The following RPH3A variants were observed in gnomAD, a reference collection of about 807,000 sequenced individuals.
The protein encoded by RPH3A is rabphilin-3A.
In RPH3A, 48 loss-of-function variants were observed where a neutral mutation model predicts 102.2. The ratio of observed to expected loss-of-function variants is 0.47; its 90% CI spans 0.37 to 0.60. The LOEUF (loss-of-function observed/expected upper bound fraction) is 0.60. Among genes scored for constraint, RPH3A ranks in the 20% least tolerant of loss-of-function variants. RPH3A has a pLI of 0.00. For missense variants in RPH3A, 781 were observed against 910.1 expected, an observed-to-expected ratio of 0.86 and a Z score of 1.83; for synonymous variants, 310 against 324.3, an observed-to-expected ratio of 0.96 and a Z score of 0.47.
intron 21 of RPH3A, among the ~76,000 whole-genome samples, chr12:112,896,241 A>G (rs1437413905): frequency 6.6e-6 from 1 of 152,198 alleles, no homozygotes; most frequent in East Asian, 1.9e-4. Flanking sequence ...TCAATTAAAG[A>G]TGAAGCAGGG....
chr12:112,865,444 G>A lies in RPH3A; in HGVS notation c.261G>A (p.Arg87=), dbSNP rs1294109327. The part of the protein sequence containing the change: ...GRLVDRLENM[R]KNVAGDGVNR... ...TGGTGGACCGCCTAGAAAACATGAG[G>A]AAGAACGTGGCTGGAGATGGGGTGA... Residue 87 remains arginine, a synonymous_variant, in exon 6 of 22, where the codon AGG becomes AGA. Coordinates refer to ENST00000389385, the MANE Select transcript of RPH3A (RefSeq NM_001143854.2). The A allele has an allele frequency of 6.2e-7, 1 of 1,614,074 alleles. No individual in the cohort carries two copies.
In RPH3A at chr12:112,898,705, G is replaced by T. The variant is rs565273769; in HGVS notation, c.*1925G>T. On this transcript the variant is annotated 3_prime_UTR_variant, in exon 22 of 22. Transcript: ENST00000389385. Reference sequence around the variant, plus strand: ...GCCCAAGCCTGATGCTGGTGTAGGCGCTGGAATCAGCATGCAGCAAGCTCA... The same window carrying T: ...GCCCAAGCCTGATGCTGGTGTAGGCTCTGGAATCAGCATGCAGCAAGCTCA... 6.6e-6 allele frequency: 1 copy of T among 152,286 alleles called. No individual in the cohort carries two copies. The highest frequency in any genetic ancestry group is 1.5e-5 in the Non-Finnish European group (1 of 68,096). The allele number at this position is 152,286 out of a possible 1,614,324, so 9.4% of individuals were successfully genotyped here.
At chr12:112,619,802 A>G (rs1481025793) in intron 1 of RPH3A, among the ~76,000 whole-genome samples, 4 of 152,178 alleles carry the variant, frequency 2.6e-5, no homozygotes, top group Non-Finnish European at 4.4e-5. Context: ...CCAGATCAAC[A>G]GGTAGTGACC....
intron 4 of RPH3A, chr12:112,841,892 T>TTC (rs146515197): frequency 5.5e-5 from 25 of 451,526 alleles, no homozygotes; most frequent in Admixed American, 1.2e-4. Flanking sequence ...CTCTCTCTCC[T>TTC]TCTCTCTCTC....
chr12:112,898,844 T>C lies in RPH3A; in HGVS notation c.*2064T>C, dbSNP rs2043231876. 1 of 152,270 alleles carries C rather than the reference T, an allele frequency of 6.6e-6. No individual in the cohort carries two copies. Among genetic ancestry groups the C allele is most frequent in the African/African-American group, 2.4e-5 (1 of 41,458 alleles). The allele number at this position is 152,270 out of a possible 1,614,324, so 9.4% of individuals were successfully genotyped here. A position where few individuals can be genotyped will look rare whatever the true frequency, so the allele number is the denominator to read the frequency against. Reference sequence around the variant, plus strand: ...AACCACCCAGCATCTTTCTTTGTGATGATGTAGCCAAAAATAAAGTAGGAG... The same window carrying C: ...AACCACCCAGCATCTTTCTTTGTGACGATGTAGCCAAAAATAAAGTAGGAG... On this transcript the variant is annotated 3_prime_UTR_variant, in exon 22 of 22. Transcript: ENST00000389385.
At position 112,895,883 on chromosome 12, in the gene RPH3A, C is replaced by T. The variant is rs1490153389; in HGVS notation, c.1954+10C>T. On this transcript the variant is annotated intron_variant, in intron 21 of 21. Transcript: ENST00000389385. ...TCCAATGATTACATCGGTGAGTGTT[C>T]CTAACTCCAGAGAAAACGCCCTCTT... 1.3e-6 allele frequency: 2 copies of T among 1,596,754 alleles called. No homozygotes were observed. The highest frequency in any genetic ancestry group is 1.7e-6 in the Non-Finnish European group (2 of 1,165,068).
chr12:112,677,959 G>A (rs931715723), intron 1 of RPH3A, among the ~76,000 whole-genome samples: 3 of 152,020 alleles, frequency 2.0e-5, no homozygotes, highest in Non-Finnish European at 2.9e-5. Flanking sequence ...GGGAGGCCAA[G>A]GTGGGTGGAT....
rs1158230534 is a variant in RPH3A at position 112,640,325 on chromosome 12, C to CA, written c.-140+65047dup. Among the ~76,000 whole-genome samples, 20 of 14,078 alleles carry CA rather than the reference C, an allele frequency of 1.4e-3. 6 individuals are homozygous for CA. The highest frequency in any genetic ancestry group is 2.8e-3 in the Non-Finnish European group (10 of 3,598). 9.2% of individuals were successfully genotyped at this position (14,078 alleles called of 152,430 possible). The stretch of plus-strand genomic sequence containing the variant: ...GGTCAACAAGAGCAAAACTCCATCT[C>CA]AAAAAAAAAAAAAAAAAAAAAAAAA... On this transcript the variant is annotated intron_variant, in intron 1 of 21. Transcript: ENST00000543106.
At chr12:112,580,942 A>G (rs865927995) in intron 1 of RPH3A, among the ~76,000 whole-genome samples, 2 of 152,184 alleles carry the variant, frequency 1.3e-5, no homozygotes, top group African/African-American at 4.8e-5. Context: ...ACTTTTCTTG[A>G]TACCGAGTCC....
chr12:112,773,688 C>T (rs1312032327), intron 1 of RPH3A, among the ~76,000 whole-genome samples: 1 of 151,690 alleles, frequency 6.6e-6, no homozygotes, highest in Non-Finnish European at 1.5e-5. Context: ...GATTTCATTG[C>T]CTACCTCACC....
intron 2 of RPH3A, among the ~76,000 whole-genome samples, chr12:112,802,466 A>T (rs1175550898): frequency 6.6e-6 from 1 of 152,188 alleles, no homozygotes; most frequent in Non-Finnish European, 1.5e-5. Flanking sequence ...TTTTTTAAAC[A>T]GTCCCCTGGG....
chr12:112,761,262 G>A (rs556647126), intron 1 of RPH3A, among the ~76,000 whole-genome samples: 1 of 152,352 alleles, frequency 6.6e-6, no homozygotes, highest in East Asian at 1.9e-4. Flanking sequence ...AGGAGGCTTT[G>A]AAGTATGGGC....
chr12:112,620,427 A>C (rs994426538), intron 1 of RPH3A, among the ~76,000 whole-genome samples: 3 of 152,152 alleles, frequency 2.0e-5, no homozygotes, highest in African/African-American at 7.2e-5. Context: ...AGGACACCAC[A>C]TTCTCCTGGT....
chr12:112,838,005 A>G (rs562013345), intron 4 of RPH3A, among the ~76,000 whole-genome samples: 5 of 152,274 alleles, frequency 3.3e-5, no homozygotes, highest in Admixed American at 3.3e-4. Context: ...AGCCAAGTAT[A>G]AAGATATGTC....
chr12:112,648,332 T>C (rs1409804797), intron 1 of RPH3A, among the ~76,000 whole-genome samples: 1 of 151,934 alleles, frequency 6.6e-6, no homozygotes, highest in Non-Finnish European at 1.5e-5. Context: ...TCCCAGTTAA[T>C]GGACATTTAG....
intron 16 of RPH3A, among the ~76,000 whole-genome samples, chr12:112,886,049 T>C (rs1444279701): frequency 6.6e-6 from 1 of 152,074 alleles, no homozygotes; most frequent in African/African-American, 2.4e-5. Context: ...TAGAGACAAG[T>C]TTTTTCTCCA....
At chr12:112,758,458 T>A (rs2040834931) in intron 1 of RPH3A, among the ~76,000 whole-genome samples, 1 of 152,166 alleles carries the variant, frequency 6.6e-6, no homozygotes, top group African/African-American at 2.4e-5. Flanking sequence ...GACATCCAGG[T>A]CCTAAAAGCA....
chr12:112,877,143 C>G, intron 13 of RPH3A, among the ~76,000 whole-genome samples: 1 of 152,066 alleles, frequency 6.6e-6, no homozygotes, highest in East Asian at 1.9e-4. Flanking sequence ...GATTGCAATT[C>G]GGTGGCATTG....
At chr12:112,825,204 C>T (rs2041846463) in intron 2 of RPH3A, among the ~76,000 whole-genome samples, 1 of 152,174 alleles carries the variant, frequency 6.6e-6, no homozygotes, top group African/African-American at 2.4e-5. Flanking sequence ...TCTCTCCTTT[C>T]TGTTTTTGAA....
Sources: gnomAD v4.1 joint callset for allele counts (sites outside exome capture counted in the v4.1 genomes callset) on GRCh38, gnomAD v4.1.1 for gene constraint, MANE v1.5 for transcripts, NCBI Gene and HGNC (gene_info 2026-07-23, HGNC 2026-07-21) for gene names.